Variants in HECW2 observed in about 807,000 individuals in gnomAD.
HECW2 encodes HECT, C2 and WW domain containing E3 ubiquitin protein ligase 2.
In HECW2, 61 loss-of-function variants were observed where a neutral mutation model predicts 175.2. That is an observed-to-expected ratio of 0.35 (90% CI 0.28 to 0.43). The LOEUF (loss-of-function observed/expected upper bound fraction) is 0.43, where lower values mean the gene tolerates loss of function less well. HECW2 is among the 20% of genes least tolerant of loss of function. The pLI is 1.00. For missense variants in HECW2, 1,524 were observed against 2,000.5 expected (o/e 0.76, Z 4.54); for synonymous variants, 671 against 731.0 (o/e 0.92, Z 1.32).
intron 1 of HECW2, among the ~76,000 whole-genome samples, chr2:196,490,662 A>G (rs1456195973): frequency 6.6e-6 from 1 of 152,244 alleles, no homozygotes; most frequent in Non-Finnish European, 1.5e-5. Context: ...ATGAAAGTTC[A>G]CAGCAGCATT....
intron 2 of HECW2, among the ~76,000 whole-genome samples, chr2:196,381,129 A>C (rs1001136224): frequency 6.6e-6 from 1 of 152,166 alleles, no homozygotes. Flanking sequence ...GCTGCCATTT[A>C]CAATAAGCAC....
At chr2:196,592,986 A>C (rs1329258434) in intron 1 of HECW2, among the ~76,000 whole-genome samples, 2 of 151,608 alleles carry the variant, frequency 1.3e-5, no homozygotes, top group African/African-American at 4.8e-5. Context: ...TCTGCGCTGC[A>C]GTCCCCGACC....
intron 2 of HECW2, among the ~76,000 whole-genome samples, chr2:196,359,311 G>C (rs1385294419): frequency 6.6e-6 from 1 of 152,168 alleles, no homozygotes. Flanking sequence ...AGCTGGGTGT[G>C]ATGGCACACA....
chr2:196,389,575 A>G (rs56354178), intron 2 of HECW2, among the ~76,000 whole-genome samples: 9,728 of 152,224 alleles, frequency 0.064, 482 homozygotes, highest in African/African-American at 0.13. Flanking sequence ...TAACTTGATG[A>G]ATCCCCCACT....
intron 2 of HECW2, among the ~76,000 whole-genome samples, chr2:196,374,011 G>A (rs1013114936): frequency 2.7e-5 from 4 of 149,792 alleles, no homozygotes; most frequent in African/African-American, 5.0e-5. Flanking sequence ...CAGCCTGGGC[G>A]ACAGAGAGAG....
chr2:196,514,911 G>T (rs953448055), intron 1 of HECW2, among the ~76,000 whole-genome samples: 1 of 152,162 alleles, frequency 6.6e-6, no homozygotes, highest in African/African-American at 2.4e-5. Context: ...GACTAAAAGC[G>T]CTGTAACACA....
chr2:196,441,681 C>T (rs1251930711), intron 1 of HECW2, among the ~76,000 whole-genome samples: 1 of 152,112 alleles, frequency 6.6e-6, no homozygotes, highest in African/African-American at 2.4e-5. Flanking sequence ...TTCAGTCATT[C>T]AGTATAAATG....
At chr2:196,347,449 T>G (rs1235770201) in intron 2 of HECW2, among the ~76,000 whole-genome samples, 2 of 152,158 alleles carry the variant, frequency 1.3e-5, no homozygotes, top group Non-Finnish European at 2.9e-5. Flanking sequence ...TGACCTTGGG[T>G]GATCAGCCTG....
At chr2:196,507,753 A>G (rs1363842742) in intron 1 of HECW2, among the ~76,000 whole-genome samples, 3 of 152,174 alleles carry the variant, frequency 2.0e-5, no homozygotes, top group East Asian at 3.9e-4. Context: ...TTACCTAAAC[A>G]TTACACCTAA....
At chr2:196,487,510 G>T (rs1003361397) in intron 1 of HECW2, among the ~76,000 whole-genome samples, 27 of 152,060 alleles carry the variant, frequency 1.8e-4, no homozygotes, top group Non-Finnish European at 7.4e-5. Context: ...ATGTTCCAAT[G>T]TGCTGATGTT....
chr2:196,385,840 A>T (rs1210560992), intron 2 of HECW2, among the ~76,000 whole-genome samples: 1 of 152,222 alleles, frequency 6.6e-6, no homozygotes, highest in Non-Finnish European at 1.5e-5. Flanking sequence ...ATTTGGTCCA[A>T]ATGAAACTAA....
intron 1 of HECW2, among the ~76,000 whole-genome samples, chr2:196,491,853 T>A (rs538251881): frequency 6.6e-6 from 1 of 152,098 alleles, no homozygotes; most frequent in East Asian, 1.9e-4. Flanking sequence ...AGAAAAAAAA[T>A]TTATTTCCAA....
chr2:196,324,892 AC>A, intron 6 of HECW2, 87 bp downstream of exon 6: 2 of 1,131,646 alleles, frequency 1.8e-6, no homozygotes, highest in Admixed American at 4.9e-5. Context: ...TTCATAAACA[AC>A]CTGAGGGATG....
intron 19 of HECW2, among the ~76,000 whole-genome samples, chr2:196,247,510 A>T (rs1015196706): frequency 5.3e-5 from 8 of 152,164 alleles, no homozygotes; most frequent in African/African-American, 1.9e-4. Context: ...GGTACAAAAG[A>T]TCAATGTTAC....
At chr2:196,435,560 C>A (rs185281009) in intron 1 of HECW2, among the ~76,000 whole-genome samples, 22 of 152,304 alleles carry the variant, frequency 1.4e-4, no homozygotes, top group Non-Finnish European at 4.4e-5. Flanking sequence ...GAAATACTGA[C>A]AATTATTCCT....
chr2:196,527,826 C>T (rs546790370), intron 1 of HECW2, among the ~76,000 whole-genome samples: 41 of 152,284 alleles, frequency 2.7e-4, no homozygotes, highest in African/African-American at 9.1e-4. Flanking sequence ...TTTTAAGAAA[C>T]ATATTTAAGT....
chr2:196,391,727 C>A (rs942548283), intron 2 of HECW2, among the ~76,000 whole-genome samples: 1 of 151,646 alleles, frequency 6.6e-6, no homozygotes, highest in African/African-American at 2.4e-5. Context: ...TGACTTAAAA[C>A]AACAGAAAGT....
chr2:196,244,411 G>A (rs1004713476), intron 19 of HECW2, among the ~76,000 whole-genome samples: 1 of 152,110 alleles, frequency 6.6e-6, no homozygotes, highest in African/African-American at 2.4e-5. Flanking sequence ...AAAAATTCCA[G>A]ATTTTTCTCT....
chr2:196,319,607 T>G lies in HECW2; in HGVS notation c.1283A>C (p.His428Pro). The change falls in exon 9 of 29, where the codon CAC (histidine) becomes CCC (proline). Residue 428 changes from histidine to proline, a missense_variant. Physicochemically the swap from His to Pro is moderately conservative, Grantham distance 77. Transcript: ENST00000644978. ...DYLDAIEHNG[H>P]SRPGTATCSE... ...GCAGGTCGCTGTCCCCGGCCTGGAG[T>G]GGCCATTGTGTTCGATAGCATCTAA... is the stretch of plus-strand genomic sequence containing the variant. 6.2e-7 allele frequency: 1 copy of G among 1,614,094 alleles called. No individual in the cohort carries two copies. The highest frequency in any genetic ancestry group is 1.1e-5 in the South Asian group (1 of 91,082).
Sources: gnomAD v4.1 joint callset for allele counts (sites outside exome capture counted in the v4.1 genomes callset) on GRCh38, gnomAD v4.1.1 for gene constraint, MANE v1.5 for transcripts, NCBI Gene and HGNC (gene_info 2026-07-23, HGNC 2026-07-21) for gene names.